Variants in AMOTL2 observed in about 807,000 individuals in gnomAD.
The protein encoded by AMOTL2 is angiomotin-like protein 2.
In AMOTL2, 33 loss-of-function variants were observed where a neutral mutation model predicts 78.4. The ratio of observed to expected loss-of-function variants is 0.42; its 90% CI spans 0.32 to 0.56. The LOEUF (loss-of-function observed/expected upper bound fraction) is 0.56. Ranked by LOEUF, AMOTL2 falls within the 20% of genes least tolerant of loss-of-function variation. The probability of loss-of-function intolerance (pLI) is 0.12; values close to 1 mark genes in which losing one functional copy is unlikely to be tolerated. For missense variants in AMOTL2, 983 were observed against 1,030.1 expected (o/e 0.95, Z 0.63); for synonymous variants, 422 against 428.8 (o/e 0.98, Z 0.20).
chr3:134,373,887 G>T, intron 1 of AMOTL2: 1 of 955,810 alleles, frequency 1.0e-6, no homozygotes, highest in Non-Finnish European at 1.2e-6. Context: ...GCTCCAGAGA[G>T]GATTTTCCAA....
At chr3:134,375,032 A>G (rs940099041), upstream of AMOTL2, 8 of 1,447,044 alleles carry the variant, frequency 5.5e-6, no homozygotes, top group African/African-American at 1.1e-4. Context: ...GCTTCCAGCC[A>G]CAGAGCCTCT....
intron 6 of AMOTL2, 152 bp downstream of exon 6, chr3:134,361,360 T>G: frequency 1.1e-6 from 1 of 911,508 alleles, no homozygotes; most frequent in Non-Finnish European, 1.6e-6. Flanking sequence ...CAGAGAGCAA[T>G]CATCCTCGCC....
intron 3 of AMOTL2, chr3:134,366,732 G>A (rs1188068517): frequency 3.6e-6 from 1 of 277,520 alleles, no homozygotes; most frequent in Non-Finnish European, 6.8e-6. Context: ...CCTGTGCCCA[G>A]TGTCCAGAAG....
intron 5 of AMOTL2, among the ~76,000 whole-genome samples, chr3:134,363,103 T>C (rs1031502517): frequency 6.6e-5 from 10 of 152,332 alleles, no homozygotes; most frequent in African/African-American, 2.2e-4. Context: ...TGCAGCTAAG[T>C]ACCTATCATA....
intron 6 of AMOTL2, among the ~76,000 whole-genome samples, chr3:134,361,275 G>A (rs911709353): frequency 7.9e-5 from 12 of 152,270 alleles, no homozygotes; most frequent in Admixed American, 6.5e-4. Context: ...GGAGTCCCCC[G>A]AGGCTGGACA....
intron 1 of AMOTL2, among the ~76,000 whole-genome samples, chr3:134,372,562 C>CACACACACACACAA (rs1392836074): frequency 1.3e-5 from 2 of 150,548 alleles, no homozygotes; most frequent in African/African-American, 5.0e-5. Flanking sequence ...CACACAAACA[C>CACACACACACACAA]ACACACACGC....
chr3:134,373,095 T>TG (rs965041253), intron 1 of AMOTL2, among the ~76,000 whole-genome samples: 6 of 151,600 alleles, frequency 4.0e-5, no homozygotes, highest in Admixed American at 2.6e-4. Flanking sequence ...AGCTGGGGAG[T>TG]GGGGGATGAG....
intron 1 of AMOTL2, chr3:134,373,975 G>A (rs1340369691): frequency 4.8e-6 from 2 of 418,654 alleles, no homozygotes; most frequent in East Asian, 1.6e-4. Context: ...CAGCCCGCAG[G>A]ACCCTGCAAC....
intron 5 of AMOTL2, 51 bp downstream of exon 5, chr3:134,365,766 A>G: frequency 6.7e-7 from 1 of 1,501,344 alleles, no homozygotes; most frequent in Non-Finnish European, 9.2e-7. Flanking sequence ...GGTGTGCAGC[A>G]GTCCCATTGC....
intron 1 of AMOTL2, chr3:134,373,698 T>A (rs1021457306): frequency 5.3e-5 from 52 of 985,256 alleles, no homozygotes; most frequent in South Asian, 1.9e-4. Context: ...GGAGCACCGG[T>A]GGCCGCTGGT....
upstream of AMOTL2, chr3:134,374,824 T>C (rs994739312): frequency 1.8e-6 from 2 of 1,141,866 alleles, no homozygotes; most frequent in African/African-American, 1.6e-5. Context: ...TCACCCTTCA[T>C]CCCTAAACCC....
At chr3:134,364,460 C>T (rs1485146799) in intron 5 of AMOTL2, among the ~76,000 whole-genome samples, 1 of 152,100 alleles carries the variant, frequency 6.6e-6, no homozygotes, top group Non-Finnish European at 1.5e-5. Flanking sequence ...CCTCCACAGG[C>T]ACCCTAATCT....
chr3:134,357,791 T>C lies in AMOTL2; in HGVS notation c.2285-28A>G, dbSNP rs753496383. 2.1e-5 allele frequency: 33 copies of C among 1,603,974 alleles called. No homozygotes were observed. The East Asian group carries it at 2.7e-4, about 13-fold the overall frequency. ...GGAGACAGACAAGAACACAGGCACA[T>C]GCCAATGAGTGTTACTAGATTGCTT... On this transcript the variant is annotated intron_variant, in intron 9 of 9. Transcript: ENST00000249883.
rs1405117987 is a variant in AMOTL2 at position 134,359,423 on chromosome 3, C to T, written c.1964G>A (p.Gly655Asp). 4 of 1,614,024 alleles carry T rather than the reference C, an allele frequency of 2.5e-6. No individual in the cohort carries two copies. The highest frequency in any genetic ancestry group is 3.4e-6 in the Non-Finnish European group (4 of 1,180,032). Residue 655 changes from glycine (G) to aspartate (D), a missense_variant, in exon 8 of 10, where the codon GGC (glycine) becomes GAC (aspartate). Coordinates refer to ENST00000249883, the MANE Select transcript of AMOTL2 (RefSeq NM_016201.4). Reference protein sequence around the residue: ...VLQQRSRRDPGKAIQGSLRPA... With the variant: ...VLQQRSRRDPDKAIQGSLRPA... ...CCGCAGGGAGCCCTGGATGGCCTTG[C>T]CAGGGTCTCTCCTGGAGCGCTGCTG... is the stretch of plus-strand genomic sequence containing the variant.
intron 2 of AMOTL2, among the ~76,000 whole-genome samples, chr3:134,368,836 C>T (rs1040434327): frequency 1.3e-5 from 2 of 152,164 alleles, no homozygotes; most frequent in Non-Finnish European, 2.9e-5. Context: ...TGTAACATCA[C>T]CCCCAGGGCT....
At chr3:134,373,540 T>G in intron 1 of AMOTL2, 3 of 985,596 alleles carry the variant, frequency 3.0e-6, no homozygotes, top group Non-Finnish European at 3.6e-6. Flanking sequence ...CCCGCTGCGC[T>G]CTCTGAAGGC....
At chr3:134,366,032 CCAGCT>C in intron 4 of AMOTL2, 123 bp from the exon 5 acceptor site, 1 of 1,159,596 alleles carries the variant, frequency 8.6e-7, no homozygotes. Flanking sequence ...TAAGGAAACC[CCAGCT>C]CAGCTCAGGG....
At chr3:134,359,604 C>T (rs957423718) in intron 7 of AMOTL2, 101 bp from the exon 8 acceptor site, 3 of 944,334 alleles carry the variant, frequency 3.2e-6, no homozygotes, top group Non-Finnish European at 4.8e-6. Context: ...CCCCCCAACT[C>T]CCCCAACCCT....
At chr3:134,365,076 G>T (rs1403848567) in intron 5 of AMOTL2, among the ~76,000 whole-genome samples, 9 of 151,952 alleles carry the variant, frequency 5.9e-5, no homozygotes, top group South Asian at 2.1e-4. Flanking sequence ...CCTAATCACC[G>T]GTTTCTAGGG....
Sources: gnomAD v4.1 joint callset for allele counts (sites outside exome capture counted in the v4.1 genomes callset) on GRCh38, gnomAD v4.1.1 for gene constraint, MANE v1.5 for transcripts, NCBI Gene and HGNC (gene_info 2026-07-23, HGNC 2026-07-21) for gene names.